The following ZNF451 variants were observed in gnomAD, a reference collection of about 807,000 sequenced individuals.
ZNF451 encodes the protein zinc finger protein 451, also known as E3 SUMO-protein ligase ZNF451.
ZNF451 carries 80 observed loss-of-function variants against 107.1 expected under a neutral mutation model. That is an observed-to-expected ratio of 0.75 (90% CI 0.62 to 0.90). The LOEUF is 0.90. Among genes scored for constraint, ZNF451 ranks in the 40% least tolerant of loss-of-function variants. The pLI is 0.00. For synonymous variants in ZNF451, 362 were observed against 406.5 expected (o/e 0.89, Z 1.32); for missense variants, 1,107 against 1,236.2 (o/e 0.90, Z 1.57).
At chr6:57,137,263 G>C (rs1831479149) in intron 7 of ZNF451, among the ~76,000 whole-genome samples, 1 of 152,134 alleles carries the variant, frequency 6.6e-6, no homozygotes, top group East Asian at 1.9e-4. Flanking sequence ...TTATAGGTAT[G>C]AATTCTGTTT....
Position 57,128,768 on chromosome 6 carries a change from T to C in ZNF451, c.352T>C (p.Leu118=), listed in dbSNP as rs775872309. ...TCAGCATGCTCATGGGTTACAAGAA[T>C]TGGAATTTATTCGAGGACATTCTGA... ...DFQHAHGLQE[L]EFIRGHSDTE... Residue 118 remains leucine (L), a synonymous_variant, in exon 5 of 15, where the codon TTG becomes CTG. Coordinates refer to ENST00000370706, the MANE Select transcript of ZNF451 (RefSeq NM_001031623.3). 2.5e-6 allele frequency: 4 copies of C among 1,612,754 alleles called. No homozygotes were observed. In the East Asian group the frequency reaches 8.9e-5, roughly 36 times the overall value.
chr6:57,115,162 A>G (rs566973685), intron 3 of ZNF451: 30 of 152,334 alleles, frequency 2.0e-4, no homozygotes, highest in African/African-American at 7.0e-4. Flanking sequence ...CAGGAGGCCG[A>G]AGTGAGAGGA....
At chr6:57,138,761 G>A (rs1428480317) in intron 7 of ZNF451, among the ~76,000 whole-genome samples, 4 of 127,358 alleles carry the variant, frequency 3.1e-5, no homozygotes, top group African/African-American at 1.2e-4. Flanking sequence ...GTGTGTGTGT[G>A]TGTGTGTGTG....
intron 3 of ZNF451, chr6:57,102,722 A>G: frequency 1.0e-6 from 1 of 985,458 alleles, no homozygotes; most frequent in South Asian, 4.7e-5. Context: ...TGCCAAATCC[A>G]GTTTGCTTCC....
In ZNF451 at chr6:57,101,828, A is replaced by G. The variant is rs760862635; in HGVS notation, c.186+2687A>G. ...CTTACATCTCTCACTAAGAAAACCC[A>G]GGAGAAGATCTCCCACTTGCCCTTT... On this transcript the variant is annotated intron_variant, in intron 3 of 14. Coordinates refer to ENST00000370706, the MANE Select transcript of ZNF451 (RefSeq NM_001031623.3). 3 of 1,550,594 alleles carry G rather than the reference A, an allele frequency of 1.9e-6. No homozygotes were observed. The South Asian group carries it at 3.6e-5, about 18-fold the overall frequency.
chr6:57,105,304 G>C, intron 3 of ZNF451: 2 of 983,264 alleles, frequency 2.0e-6, no homozygotes, highest in East Asian at 1.1e-4. Context: ...TTCTTGATTA[G>C]ATATACAATG....
At chr6:57,144,869 CA>C (rs1266103530) in intron 9 of ZNF451, among the ~76,000 whole-genome samples, 1 of 152,080 alleles carries the variant, frequency 6.6e-6, no homozygotes, top group Non-Finnish European at 1.5e-5. Context: ...GCAGAGGTTG[CA>C]GTGATCCAAG....
intron 14 of ZNF451, chr6:57,165,542 T>C (rs1763859620): frequency 6.6e-6 from 1 of 152,258 alleles, no homozygotes; most frequent in Non-Finnish European, 1.5e-5. Context: ...TTCTTTGTAC[T>C]CAAATTCATT....
At chr6:57,114,061 G>C (rs62415884) in intron 3 of ZNF451, among the ~76,000 whole-genome samples, 17,231 of 152,192 alleles carry the variant, frequency 0.11, 1,177 homozygotes, top group African/African-American at 0.17. Flanking sequence ...GAAAGTTCAT[G>C]TATGAAGTCA....
At chr6:57,149,720 G>A (rs1000122505) in intron 10 of ZNF451, among the ~76,000 whole-genome samples, 2 of 152,086 alleles carry the variant, frequency 1.3e-5, no homozygotes, top group African/African-American at 4.8e-5. Context: ...TTTAGTCATG[G>A]CATGTTTTCA....
At chr6:57,162,538 T>TA (rs1415068665) in intron 14 of ZNF451, among the ~76,000 whole-genome samples, 2 of 152,214 alleles carry the variant, frequency 1.3e-5, no homozygotes, top group African/African-American at 4.8e-5. Context: ...GCTCAACGCT[T>TA]AGCAGCCACA....
At chr6:57,155,504 A>T (rs778273557) in intron 13 of ZNF451, among the ~76,000 whole-genome samples, 14 of 151,826 alleles carry the variant, frequency 9.2e-5, no homozygotes, top group Non-Finnish European at 1.9e-4. Flanking sequence ...AAAGCAAAAC[A>T]CCTCTTCTAC....
At chr6:57,144,073 G>A (rs1340225712) in intron 9 of ZNF451, among the ~76,000 whole-genome samples, 2 of 151,988 alleles carry the variant, frequency 1.3e-5, no homozygotes, top group African/African-American at 4.8e-5. Flanking sequence ...CGAAAAGGGA[G>A]GTGGGGAGGT....
intron 3 of ZNF451, among the ~76,000 whole-genome samples, chr6:57,124,085 T>C (rs764110001): frequency 1.3e-5 from 2 of 152,230 alleles, no homozygotes; most frequent in Non-Finnish European, 2.9e-5. Context: ...CTTATCTTAG[T>C]GTGAAGACTT....
At position 57,161,144 on chromosome 6, in the gene ZNF451, C is replaced by G. The variant is rs1201500301; in HGVS notation, c.3131C>G (p.Ser1044Cys). 1 of 1,519,750 alleles carries G rather than the reference C, an allele frequency of 6.6e-7. No individual in the cohort carries two copies. The highest frequency in any genetic ancestry group is 8.8e-7 in the Non-Finnish European group (1 of 1,134,870). The allele number at this position is 1,519,750 out of a possible 1,614,324, so 94.1% of individuals were successfully genotyped here. A position where few individuals can be genotyped will look rare whatever the true frequency, so the allele number is the denominator to read the frequency against. Residue 1044 changes from serine to cysteine, a missense_variant, in exon 14 of 15, where the codon TCC becomes TGC. Transcript: ENST00000370706. ...KNTSIGEEFI[S>C]TEDVELEEAI... ...ACTTCAATAGGAGAAGAATTTATAT[C>G]CACAGAAGGTAACCTAATAGAGTTA... is the stretch of plus-strand genomic sequence containing the variant.
chr6:57,158,886 G>A, intron 13 of ZNF451: 1 of 985,422 alleles, frequency 1.0e-6, no homozygotes, highest in South Asian at 4.7e-5. Flanking sequence ...TGGCATCTAT[G>A]AGTCATACCA....
intron 6 of ZNF451, chr6:57,134,344 T>G (rs1274307440): frequency 6.4e-6 from 1 of 156,200 alleles, no homozygotes; most frequent in Non-Finnish European, 1.4e-5. Flanking sequence ...GGGAAACAAG[T>G]GTACTAGAAA....
At chr6:57,102,023 A>G in intron 3 of ZNF451, 3 of 1,549,774 alleles carry the variant, frequency 1.9e-6, no homozygotes, top group South Asian at 1.2e-5. Context: ...GGGGATTGGT[A>G]CAAACCTCGA....
intron 6 of ZNF451, among the ~76,000 whole-genome samples, chr6:57,134,512 A>G (rs1460479849): frequency 1.3e-5 from 2 of 152,224 alleles, no homozygotes; most frequent in East Asian, 3.8e-4. Context: ...CCGGATATTT[A>G]GTACATATGA....
Sources: gnomAD v4.1 joint callset for allele counts (sites outside exome capture counted in the v4.1 genomes callset) on GRCh38, gnomAD v4.1.1 for gene constraint, MANE v1.5 for transcripts, NCBI Gene and HGNC (gene_info 2026-07-23, HGNC 2026-07-21) for gene names.